ENPP6: variants seen among roughly 807,000 people sequenced by gnomAD.
The protein encoded by ENPP6 is ectonucleotide pyrophosphatase/phosphodiesterase 6.
Under a neutral mutation model 42.0 loss-of-function variants are expected in ENPP6, and 32 were observed. The observed-to-expected ratio is 0.76, with a 90% confidence interval of 0.58 to 1.02. The LOEUF (loss-of-function observed/expected upper bound fraction) is 1.02. Ranked by LOEUF, ENPP6 falls within the 50% of genes least tolerant of loss-of-function variation. The pLI, the probability that ENPP6 is intolerant of heterozygous loss-of-function variation, is 0.00. For synonymous variants in ENPP6, 213 were observed against 216.0 expected (o/e 0.99, Z 0.12); for missense variants, 552 against 566.8 (o/e 0.97, Z 0.27).
chr4:184,153,552 A>G lies in ENPP6; in HGVS notation c.421+2T>C, dbSNP rs1357984345. 2 of 1,611,268 alleles carry G rather than the reference A, an allele frequency of 1.2e-6. No homozygotes were observed. ...ATTTGGAATGGATGTTCACACACTCACCTGGCCAGTAGTACATGTAGACCT... is the reference window on the plus strand; with the variant it reads ...ATTTGGAATGGATGTTCACACACTCGCCTGGCCAGTAGTACATGTAGACCT... On this transcript the variant is annotated splice_donor_variant, in intron 2 of 7. Transcript: ENST00000296741. LOFTEE classifies it high-confidence loss of function.
chr4:184,158,811 C>T (rs1737215829), intron 1 of ENPP6, among the ~76,000 whole-genome samples: 1 of 152,152 alleles, frequency 6.6e-6, no homozygotes, highest in South Asian at 2.1e-4. Flanking sequence ...GGGACAACTG[C>T]ATCCTTTTTT....
intron 1 of ENPP6, among the ~76,000 whole-genome samples, chr4:184,206,600 G>A (rs879884385): frequency 1.3e-5 from 2 of 152,100 alleles, no homozygotes; most frequent in Non-Finnish European, 2.9e-5. Flanking sequence ...GGGCTCTCTC[G>A]AAACACGATT....
chr4:184,127,765 T>C (rs1450029880), intron 2 of ENPP6, among the ~76,000 whole-genome samples: 1 of 152,142 alleles, frequency 6.6e-6, no homozygotes, highest in African/African-American at 2.4e-5. Context: ...ATCCAAATAA[T>C]TTTTAAAAAA....
chr4:184,125,496 G>T (rs1040456512), intron 2 of ENPP6, among the ~76,000 whole-genome samples: 1 of 152,152 alleles, frequency 6.6e-6, no homozygotes, highest in Non-Finnish European at 1.5e-5. Context: ...CAGAGGGAGC[G>T]CAGGAGGAAA....
chr4:184,126,129 A>G (rs966737310), intron 2 of ENPP6, among the ~76,000 whole-genome samples: 23 of 152,220 alleles, frequency 1.5e-4, no homozygotes, highest in African/African-American at 5.5e-4. Context: ...AGAGAAACGC[A>G]TCCTTTTTGG....
chr4:184,206,001 T>A (rs1353438333), intron 1 of ENPP6, among the ~76,000 whole-genome samples: 2 of 152,098 alleles, frequency 1.3e-5, no homozygotes, highest in Non-Finnish European at 2.9e-5. Context: ...GGGAGGACAC[T>A]GTTCCAAACA....
At chr4:184,216,687 C>T (rs1457873985) in intron 1 of ENPP6, 1 of 152,228 alleles carries the variant, frequency 6.6e-6, no homozygotes, top group East Asian at 1.9e-4. Context: ...CTGAGAGCCT[C>T]TCGCTGCCTT....
chr4:184,173,955 T>C (rs1737519230), intron 1 of ENPP6, among the ~76,000 whole-genome samples: 1 of 152,130 alleles, frequency 6.6e-6, no homozygotes, highest in Non-Finnish European at 1.5e-5. Context: ...GGGTCACATC[T>C]GGGAACACTG....
chr4:184,114,331 G>A (rs1215037564), intron 5 of ENPP6, among the ~76,000 whole-genome samples: 1 of 152,184 alleles, frequency 6.6e-6, no homozygotes, highest in Admixed American at 6.5e-5. Flanking sequence ...TCGACTGACT[G>A]ATATTGACTT....
chr4:184,117,486 C>T (rs143999807), intron 4 of ENPP6, among the ~76,000 whole-genome samples: 1 of 152,244 alleles, frequency 6.6e-6, no homozygotes. Flanking sequence ...TGCTACCAAA[C>T]TTATTAGGAG....
chr4:184,139,119 G>T (rs562616709), intron 2 of ENPP6, among the ~76,000 whole-genome samples: 1 of 152,316 alleles, frequency 6.6e-6, no homozygotes, highest in Non-Finnish European at 1.5e-5. Flanking sequence ...CAATCCTTCT[G>T]CTCCGTCTCT....
intron 2 of ENPP6, among the ~76,000 whole-genome samples, chr4:184,146,767 C>T (rs1736932554): frequency 6.6e-6 from 1 of 152,188 alleles, no homozygotes; most frequent in African/African-American, 2.4e-5. Context: ...CATCAGATGG[C>T]TACGCAGAGA....
At chr4:184,154,628 C>G (rs533159295) in intron 1 of ENPP6, among the ~76,000 whole-genome samples, 184 of 150,896 alleles carry the variant, frequency 1.2e-3, no homozygotes, top group African/African-American at 4.2e-3. Context: ...TAAACAGAAA[C>G]AAAGAAAAAT....
chr4:184,123,457 A>C (rs1736453405), intron 3 of ENPP6, among the ~76,000 whole-genome samples: 1 of 152,048 alleles, frequency 6.6e-6, no homozygotes, highest in South Asian at 2.1e-4. Flanking sequence ...CAGTGACCTC[A>C]AGTCCACTCC....
intron 5 of ENPP6, among the ~76,000 whole-genome samples, chr4:184,113,924 T>TTTC (rs1488879558): frequency 7.1e-6 from 1 of 140,346 alleles, no homozygotes; most frequent in East Asian, 2.0e-4. Context: ...TCTTTCTTTC[T>TTTC]TTCTTTCTTT....
At chr4:184,114,180 G>A (rs544402989) in intron 5 of ENPP6, among the ~76,000 whole-genome samples, 61 of 152,176 alleles carry the variant, frequency 4.0e-4, no homozygotes, top group African/African-American at 1.3e-3. Context: ...TGGCCAGGCT[G>A]GTCTTGAACC....
chr4:184,194,016 C>G (rs775116886), intron 1 of ENPP6, among the ~76,000 whole-genome samples: 2 of 152,186 alleles, frequency 1.3e-5, no homozygotes, highest in Admixed American at 6.5e-5. Flanking sequence ...GCCACGGTCC[C>G]TGATAGCTCT....
intron 3 of ENPP6, 55 bp downstream of exon 3, chr4:184,124,106 G>T (rs1286111234): frequency 1.5e-6 from 2 of 1,371,604 alleles, no homozygotes; most frequent in Admixed American, 1.7e-5. Flanking sequence ...TAGGATCCAT[G>T]ATCAGTCCTG....
At position 184,116,842 on chromosome 4, in the gene ENPP6, C is replaced by T. The variant is rs370353963; in HGVS notation, c.855+14G>A. Reference sequence around the variant, plus strand: ...CCACATGGCCCTCCTCCGCCCCCCACGGGTCTGTCTTGCCTCAGAGTGTTT... The same window carrying T: ...CCACATGGCCCTCCTCCGCCCCCCATGGGTCTGTCTTGCCTCAGAGTGTTT... On this transcript the variant is annotated intron_variant, in intron 5 of 7. Transcript: ENST00000296741. 1.1e-4 allele frequency: 172 copies of T among 1,612,620 alleles called. No homozygotes were observed. The East Asian group carries it at 3.0e-3, about 28-fold the overall frequency.
Sources: gnomAD v4.1 joint callset for allele counts (sites outside exome capture counted in the v4.1 genomes callset) on GRCh38, gnomAD v4.1.1 for gene constraint, MANE v1.5 for transcripts, NCBI Gene and HGNC (gene_info 2026-07-23, HGNC 2026-07-21) for gene names.